The following FRMPD1 variants were observed in gnomAD, a reference collection of about 807,000 sequenced individuals.
FRMPD1 encodes FERM and PDZ domain-containing protein 1.
A neutral mutation model predicts 117.8 loss-of-function variants in FRMPD1; 76 were observed. The observed-to-expected ratio is 0.65, with a 90% CI of 0.54 to 0.78. FRMPD1 has a LOEUF of 0.78. Among genes scored for constraint, FRMPD1 ranks in the 30% least tolerant of loss-of-function variants. FRMPD1 has a pLI of 0.00. For synonymous variants in FRMPD1, 783 were observed against 770.4 expected (o/e 1.02, Z -0.27); for missense variants, 1,786 against 1,964.5 (o/e 0.91, Z 1.72).
intron 2 of FRMPD1, among the ~76,000 whole-genome samples, chr9:37,699,321 C>CTCTT (rs778478529): frequency 7.0e-4 from 97 of 137,966 alleles, no homozygotes; most frequent in Non-Finnish European, 9.5e-4. Context: ...CTGTCTCTCT[C>CTCTT]TTTTTTTTTT....
Position 37,707,427 on chromosome 9 carries a change from C to T in FRMPD1, c.113C>T (p.Ala38Val), listed in dbSNP as rs1822750096. ...SRDSSARAKV[A>V]AADGPARNPT... ...TCCTTCTCTTCCAGGGCTAAAGTTG[C>T]TGCAGCTGATGGGCCCGCCAGGAAC... The change falls in exon 3 of 16, where the codon GCT becomes GTT. Residue 38 changes from alanine (A) to valine (V), a missense_variant. Physicochemically the swap from Ala to Val is moderately conservative, Grantham distance 64. Coordinates refer to ENST00000377765, the MANE Select transcript of FRMPD1 (RefSeq NM_014907.3). 1 of 1,613,446 alleles carries T rather than the reference C, an allele frequency of 6.2e-7. No individual in the cohort carries two copies. Among genetic ancestry groups the T allele is most frequent in the Admixed American group, 1.7e-5 (1 of 59,898 alleles).
At chr9:37,629,424 CATGGAGTGGAGTGGGGGCTGCTCTAT>C in the FRMPD1 span, among the ~76,000 whole-genome samples, 1 of 152,190 alleles carries the variant, frequency 6.6e-6, no homozygotes, top group African/African-American at 2.4e-5. Flanking sequence ...GCTGCATGGT[CATGGAGTGGAGTGGGGGCTGCTCTAT>C]ATGGAGTGGA....
intron 1 of FRMPD1, among the ~76,000 whole-genome samples, chr9:37,669,204 C>T (rs541607421): frequency 6.6e-6 from 1 of 152,318 alleles, no homozygotes; most frequent in East Asian, 1.9e-4. Context: ...TTTAACTTTT[C>T]CGTATGTCTT....
intron 12 of FRMPD1, 29 bp downstream of exon 12, chr9:37,733,854 C>G: frequency 8.3e-7 from 1 of 1,211,204 alleles, no homozygotes; most frequent in African/African-American, 1.5e-5. Context: ...TGAAATCCTA[C>G]TCACGTAAGG....
chr9:37,678,251 C>CTT (rs34040451), intron 1 of FRMPD1, among the ~76,000 whole-genome samples: 1,575 of 79,714 alleles, frequency 0.02, 200 homozygotes, highest in African/African-American at 0.03. Flanking sequence ...GTACTTACCA[C>CTT]TTTTTTTTTT....
At chr9:37,635,938 G>A in the FRMPD1 span, among the ~76,000 whole-genome samples, 1 of 152,184 alleles carries the variant, frequency 6.6e-6, no homozygotes, top group African/African-American at 2.4e-5. Flanking sequence ...CCTCTGGCAC[G>A]GTGGGCCTTC....
the FRMPD1 span, chr9:37,637,092 C>T: frequency 5.1e-6 from 8 of 1,577,448 alleles, no homozygotes; most frequent in Non-Finnish European, 7.0e-6. Context: ...CAGAACCGTT[C>T]CTGGCCCGCC....
the FRMPD1 span, among the ~76,000 whole-genome samples, chr9:37,629,681 T>G: frequency 6.6e-6 from 1 of 152,228 alleles, no homozygotes; most frequent in Non-Finnish European, 1.5e-5. Flanking sequence ...TATAGTTCAG[T>G]GCTTTTTAAA....
At chr9:37,736,548 A>T (rs1824135445) in intron 13 of FRMPD1, among the ~76,000 whole-genome samples, 1 of 151,016 alleles carries the variant, frequency 6.6e-6, no homozygotes, top group Non-Finnish European at 1.5e-5. Flanking sequence ...AAAAAAAAAA[A>T]AGGTAACTAG....
At chr9:37,744,298 T>C (rs1214521303) in intron 15 of FRMPD1, 91 bp from the exon 16 acceptor site, 1 of 920,554 alleles carries the variant, frequency 1.1e-6, no homozygotes, top group African/African-American at 1.7e-5. Flanking sequence ...AGCCAGAATT[T>C]AAACCCAGGA....
At chr9:37,684,960 G>C (rs951756991) in intron 1 of FRMPD1, among the ~76,000 whole-genome samples, 4 of 151,992 alleles carry the variant, frequency 2.6e-5, no homozygotes, top group African/African-American at 9.7e-5. Context: ...TCACTATGTT[G>C]CCCAGGCTGG....
the FRMPD1 span, among the ~76,000 whole-genome samples, chr9:37,633,705 A>G: frequency 1.3e-5 from 2 of 152,118 alleles, no homozygotes; most frequent in African/African-American, 4.8e-5. Context: ...ACAAACAAAC[A>G]AAAAAATTAG....
intron 2 of FRMPD1, among the ~76,000 whole-genome samples, chr9:37,703,142 C>A (rs1455198196): frequency 1.3e-5 from 2 of 152,070 alleles, no homozygotes; most frequent in African/African-American, 2.4e-5. Flanking sequence ...GAATACCGGT[C>A]AAAATGGTAA....
chr9:37,637,824 T>G, the FRMPD1 span, among the ~76,000 whole-genome samples: 1 of 152,110 alleles, frequency 6.6e-6, no homozygotes, highest in Non-Finnish European at 1.5e-5. Context: ...GTGTAAAGTG[T>G]TACACAAGGA....
chr9:37,648,480 C>A (rs1450640466), upstream of FRMPD1, among the ~76,000 whole-genome samples: 1 of 152,056 alleles, frequency 6.6e-6, no homozygotes, highest in Non-Finnish European at 1.5e-5. Flanking sequence ...CTGGTCAGGT[C>A]TGTGGTTGAA....
intron 12 of FRMPD1, among the ~76,000 whole-genome samples, 177 bp downstream of exon 12, chr9:37,734,002 C>G (rs550092966): frequency 1.4e-4 from 22 of 152,218 alleles, no homozygotes; most frequent in Middle Eastern, 3.4e-3. Context: ...TTGGTGCTAC[C>G]CCTGTGATAG....
At chr9:37,702,479 T>G (rs1050878262) in intron 2 of FRMPD1, among the ~76,000 whole-genome samples, 28 of 152,250 alleles carry the variant, frequency 1.8e-4, no homozygotes, top group Non-Finnish European at 7.3e-5. Context: ...TGTGAGAACT[T>G]AGGTCTGGCT....
At chr9:37,735,477 G>T in intron 12 of FRMPD1, 75 bp from the exon 13 acceptor site, 1 of 1,086,654 alleles carries the variant, frequency 9.2e-7, no homozygotes, top group East Asian at 2.4e-5. Context: ...GCAGCGAGAG[G>T]TATTATTGCT....
Position 37,715,344 on chromosome 9 carries a change from G to T in FRMPD1, c.409-3725G>T, listed in dbSNP as rs978090160. 3.3e-5 allele frequency among the ~76,000 whole-genome samples: 5 copies of T among 152,132 alleles called. No homozygotes were observed. The East Asian group carries it at 9.6e-4, about 29-fold the overall frequency. ...TCACATGCAGAAATCAGTGAAGTTG[G>T]GTTGCTTTCCAGGTAGACTCCGGAA... On this transcript the variant is annotated intron_variant, in intron 5 of 15. Coordinates refer to ENST00000377765, the MANE Select transcript of FRMPD1 (RefSeq NM_014907.3).
Sources: gnomAD v4.1 joint callset for allele counts (sites outside exome capture counted in the v4.1 genomes callset) on GRCh38, gnomAD v4.1.1 for gene constraint, MANE v1.5 for transcripts, NCBI Gene and HGNC (gene_info 2026-07-23, HGNC 2026-07-21) for gene names.